Variants in APLF observed in about 807,000 individuals in gnomAD.
APLF encodes the protein aprataxin and PNK-like factor.
In APLF, 61 loss-of-function variants were observed where a neutral mutation model predicts 55.6. The observed-to-expected ratio is 1.10, with a 90% confidence interval of 0.89 to 1.36. The LOEUF (loss-of-function observed/expected upper bound fraction) is 1.36, where lower values mean the gene tolerates loss of function less well. APLF is among the 40% of genes most tolerant of loss of function. The probability of loss-of-function intolerance (pLI) is 0.00; values close to 1 mark genes in which losing one functional copy is unlikely to be tolerated. For synonymous variants in APLF, 207 were observed against 214.8 expected (o/e 0.96, Z 0.32); for missense variants, 611 against 602.5 (o/e 1.01, Z -0.15).
intron 8 of APLF, among the ~76,000 whole-genome samples, chr2:68,557,327 G>A (rs1266804531): frequency 6.6e-6 from 1 of 152,188 alleles, no homozygotes; most frequent in Non-Finnish European, 1.5e-5. Context: ...TGTTCAGTAA[G>A]GATGCAATCA....
At position 68,545,254 on chromosome 2, in the gene APLF, G is replaced by A. The variant is rs1028380032; in HGVS notation, c.1228G>A (p.Val410Met). 10 of 1,613,746 alleles carry A rather than the reference G, an allele frequency of 6.2e-6. No homozygotes were observed. The East Asian group carries it at 6.7e-5, about 11-fold the overall frequency. ...GDSDYGGVQI[V>M]GQDETDDRPE... ...TAGTGATTATGGAGGTGTACAAATCGTGGGCCAAGATGAGACTGATGACCG... is the reference window on the plus strand; with the variant it reads ...TAGTGATTATGGAGGTGTACAAATCATGGGCCAAGATGAGACTGATGACCG... Residue 410 changes from valine to methionine, a missense_variant, in exon 8 of 10, where the codon GTG becomes ATG. Coordinates refer to ENST00000303795, the MANE Select transcript of APLF (RefSeq NM_173545.3).
intron 1 of APLF, among the ~76,000 whole-genome samples, chr2:68,468,568 C>A (rs1005454012): frequency 6.6e-6 from 1 of 152,158 alleles, no homozygotes; most frequent in African/African-American, 2.4e-5. Context: ...CTTTTGGACA[C>A]ATAATGCCAC....
intron 9 of APLF, 24 bp from the exon 10 acceptor site, chr2:68,577,796 G>A (rs753731508): frequency 1.5e-5 from 24 of 1,611,882 alleles, no homozygotes; most frequent in Non-Finnish European, 1.8e-5. Flanking sequence ...TTGATGTGTT[G>A]TGTACCAATC....
chr2:68,501,318 G>C (rs1676713562), intron 2 of APLF, among the ~76,000 whole-genome samples: 1 of 151,992 alleles, frequency 6.6e-6, no homozygotes, highest in Non-Finnish European at 1.5e-5. Flanking sequence ...TCCATTCCCA[G>C]GGTGGTAATT....
intron 5 of APLF, among the ~76,000 whole-genome samples, chr2:68,522,853 T>C (rs1171553085): frequency 6.6e-6 from 1 of 151,890 alleles, no homozygotes; most frequent in Non-Finnish European, 1.5e-5. Flanking sequence ...CAGAAACAAA[T>C]TTCTATTGAA....
intron 8 of APLF, among the ~76,000 whole-genome samples, chr2:68,556,680 C>A (rs754785808): frequency 1.3e-5 from 2 of 152,218 alleles, no homozygotes; most frequent in Non-Finnish European, 2.9e-5. Flanking sequence ...TGTAAAGTCA[C>A]AATCATGTAC....
chr2:68,510,018 T>C (rs1414559478), intron 3 of APLF, among the ~76,000 whole-genome samples: 2 of 132,958 alleles, frequency 1.5e-5, no homozygotes, highest in Non-Finnish European at 3.1e-5. Flanking sequence ...AATTGAACAA[T>C]GAGAACACTT....
chr2:68,574,821 A>G (rs1330050688), intron 9 of APLF, among the ~76,000 whole-genome samples: 1 of 152,222 alleles, frequency 6.6e-6, no homozygotes, highest in Non-Finnish European at 1.5e-5. Flanking sequence ...GTAATTCATT[A>G]TATTGACTGG....
chr2:68,566,752 T>A (rs565822073), intron 8 of APLF, among the ~76,000 whole-genome samples: 2 of 152,228 alleles, frequency 1.3e-5, no homozygotes, highest in South Asian at 4.1e-4. Context: ...GAAGGGATCA[T>A]AAGTACGTAT....
chr2:68,487,249 A>T lies in APLF; in HGVS notation c.97-2941A>T, dbSNP rs530022078. ...AAATAGCCATTTCTGCCTTATTTCC[A>T]GTTCTTTACTGTGTTCTAGTTTGAC... is the stretch of plus-strand genomic sequence containing the variant. On this transcript the variant is annotated intron_variant, in intron 1 of 9. Transcript: ENST00000303795. 3.3e-5 allele frequency among the ~76,000 whole-genome samples: 5 copies of T among 152,224 alleles called. No homozygotes were observed. The East Asian group carries it at 9.6e-4, about 29-fold the overall frequency.
chr2:68,542,437 A>ACAACCTATGGAATGGGATAAATG (rs1355866536), intron 7 of APLF, among the ~76,000 whole-genome samples: 2 of 152,308 alleles, frequency 1.3e-5, no homozygotes, highest in African/African-American at 4.8e-5. Context: ...ATACATAAAG[A>ACAACCTATGGAATGGGATAAATG]ACTATAACTA....
intron 1 of APLF, among the ~76,000 whole-genome samples, chr2:68,486,253 C>A (rs1468543684): frequency 6.6e-6 from 1 of 152,050 alleles, no homozygotes; most frequent in African/African-American, 2.4e-5. Context: ...GCTCTGGTTT[C>A]TTTCAGTGGG....
intron 1 of APLF, among the ~76,000 whole-genome samples, chr2:68,477,767 T>C (rs1163562842): frequency 3.3e-5 from 5 of 152,108 alleles, no homozygotes; most frequent in African/African-American, 4.8e-5. Flanking sequence ...GGAAGGCGAA[T>C]GAGGCGCAAA....
chr2:68,563,221 A>G (rs1671213375), intron 8 of APLF: 1 of 985,180 alleles, frequency 1.0e-6, no homozygotes, highest in Non-Finnish European at 1.2e-6. Flanking sequence ...ATTCTCAAAG[A>G]AACAACTTTC....
At chr2:68,528,245 T>A in intron 6 of APLF, 2 of 1,245,334 alleles carry the variant, frequency 1.6e-6, no homozygotes, top group Non-Finnish European at 2.3e-6. Context: ...CCTGCCCTGC[T>A]GTCTCTTCTT....
chr2:68,517,909 A>C (rs1006546621), intron 5 of APLF, among the ~76,000 whole-genome samples: 2 of 144,374 alleles, frequency 1.4e-5, no homozygotes, highest in Non-Finnish European at 3.0e-5. Flanking sequence ...ATATAGCAGT[A>C]TTATATCACT....
intron 5 of APLF, among the ~76,000 whole-genome samples, chr2:68,515,893 TGTTA>T (rs1341326775): frequency 6.6e-6 from 1 of 151,836 alleles, no homozygotes. Context: ...TCTGTGGTGC[TGTTA>T]TTTTTTAAAA....
chr2:68,578,830 G>A lies in APLF; in HGVS notation c.*808G>A. 1.0e-6 allele frequency: 1 copy of A among 984,996 alleles called. No individual in the cohort carries two copies. Among genetic ancestry groups the A allele is most frequent in the Non-Finnish European group, 1.2e-6 (1 of 829,822 alleles). 61.0% of individuals were successfully genotyped at this position (984,996 alleles called of 1,614,324 possible). On this transcript the variant is annotated 3_prime_UTR_variant, in exon 10 of 10. Coordinates refer to ENST00000303795, the MANE Select transcript of APLF (RefSeq NM_173545.3). ...GCATTAGTTTTGCCTTAGTTTTTTT[G>A]ACCTCAGATGAAAGTAGCAAGTTGT...
chr2:68,471,523 C>T (rs1675615613), intron 1 of APLF, among the ~76,000 whole-genome samples: 1 of 152,096 alleles, frequency 6.6e-6, no homozygotes, highest in East Asian at 1.9e-4. Context: ...GGACTGGCGC[C>T]AGGCTGACAC....
Sources: allele counts gnomAD v4.1 joint callset (sites outside exome capture counted in the v4.1 genomes callset), GRCh38; gene constraint gnomAD v4.1.1; transcripts MANE v1.5; gene names NCBI Gene and HGNC (gene_info 2026-07-23, HGNC 2026-07-21).